The following FBXO11 variants were observed in gnomAD, a reference collection of about 807,000 sequenced individuals.
FBXO11 encodes the protein F-box protein 11, also known as F-box only protein 11.
In FBXO11, 13 loss-of-function variants were observed where a neutral mutation model predicts 117.0. The observed-to-expected ratio is 0.11, with a 90% CI of 0.07 to 0.18. The LOEUF (loss-of-function observed/expected upper bound fraction) is 0.18. Among genes scored for constraint, FBXO11 ranks in the 10% least tolerant of loss-of-function variants. The probability of loss-of-function intolerance (pLI) is 1.00; values close to 1 mark genes in which losing one functional copy is unlikely to be tolerated. For missense variants in FBXO11, 767 were observed against 1,164.4 expected, an observed-to-expected ratio of 0.66 and a Z score of 4.97; for synonymous variants, 490 against 380.5, an observed-to-expected ratio of 1.29 and a Z score of -3.35.
At chr2:47,833,551 G>C (rs533989964) in intron 7 of FBXO11, among the ~76,000 whole-genome samples, 1 of 152,114 alleles carries the variant, frequency 6.6e-6, no homozygotes, top group East Asian at 1.9e-4. Context: ...AATTTCACTA[G>C]CAAATAATAA....
At chr2:47,869,449 T>C (rs983017599) in intron 1 of FBXO11, among the ~76,000 whole-genome samples, 1 of 152,166 alleles carries the variant, frequency 6.6e-6, no homozygotes, top group Non-Finnish European at 1.5e-5. Flanking sequence ...AAAAGTTATA[T>C]CTGAAATACA....
rs200411440 is a variant in FBXO11 at position 47,843,734 on chromosome 2, G to GCTT, written c.233-3968_233-3966dup. Among the ~76,000 whole-genome samples the GCTT allele has an allele frequency of 8.3e-4, 126 of 151,386 alleles. No individual in the cohort carries two copies. In the East Asian group the frequency reaches 0.018, roughly 21 times the overall value. On this transcript the variant is annotated intron_variant, in intron 1 of 22. Coordinates refer to ENST00000403359, the MANE Select transcript of FBXO11 (RefSeq NM_001190274.2). ...TGGATTACATTTTAGATTTGCTGCT[G>GCTT]CTTCTTCTTCTTCTTCTTCTTTTTT... is the stretch of plus-strand genomic sequence containing the variant.
At position 47,890,007 on chromosome 2, in the gene FBXO11, A is replaced by T. The variant is rs539638055; in HGVS notation, c.232+15482T>A. On this transcript the variant is annotated intron_variant, in intron 1 of 22. Transcript: ENST00000403359. ...AGTCGCAAACTTATCCTGGAAAGAAAGAATCACTGGTTCAGAGTCCCAAAT... is the reference window on the plus strand; with the variant it reads ...AGTCGCAAACTTATCCTGGAAAGAATGAATCACTGGTTCAGAGTCCCAAAT... Among the ~76,000 whole-genome samples, 13 of 152,360 alleles carry T rather than the reference A, an allele frequency of 8.5e-5. No individual in the cohort carries two copies. The East Asian group carries it at 1.7e-3, about 20-fold the overall frequency.
At chr2:47,869,993 T>C (rs1675504901) in intron 1 of FBXO11, among the ~76,000 whole-genome samples, 1 of 152,156 alleles carries the variant, frequency 6.6e-6, no homozygotes, top group Admixed American at 6.5e-5. Flanking sequence ...AGAATTTAAA[T>C]TGGTGAACTC....
Position 47,892,560 on chromosome 2 carries a change from C to T in FBXO11, c.232+12929G>A, listed in dbSNP as rs576611245. 1.1e-4 allele frequency among the ~76,000 whole-genome samples: 17 copies of T among 152,320 alleles called. 1 individual carries two copies. In the East Asian group the frequency reaches 2.7e-3, roughly 24 times the overall value. The stretch of plus-strand genomic sequence containing the variant: ...TAGAGTACAGGTTTCCTCTGACATG[C>T]TGCAATGCAGAATCAGAAAGATTCA... On this transcript the variant is annotated intron_variant, in intron 1 of 22. Transcript: ENST00000403359.
At chr2:47,850,040 G>C (rs17395820) in intron 1 of FBXO11, among the ~76,000 whole-genome samples, 14,578 of 152,230 alleles carry the variant, frequency 0.096, 758 homozygotes, top group Non-Finnish European at 0.11. Context: ...GGCAGGAGAC[G>C]AGTAAGGGAG....
At chr2:47,876,226 T>C (rs1351188586) in intron 1 of FBXO11, among the ~76,000 whole-genome samples, 1 of 152,210 alleles carries the variant, frequency 6.6e-6, no homozygotes, top group Non-Finnish European at 1.5e-5. Flanking sequence ...GCAAGAATAG[T>C]AGCATTCCTG....
chr2:47,854,500 A>G (rs1025274217), intron 1 of FBXO11, among the ~76,000 whole-genome samples: 2 of 151,904 alleles, frequency 1.3e-5, no homozygotes, highest in African/African-American at 4.8e-5. Context: ...TGAATAAAAT[A>G]AAAATAAATA....
At chr2:47,813,713 G>A (rs372639960) in intron 17 of FBXO11, 78 bp downstream of exon 17, 84 of 1,223,472 alleles carry the variant, frequency 6.9e-5, no homozygotes, top group East Asian at 6.2e-4. Context: ...GATTACAGGC[G>A]TGAGCCACCG....
intron 1 of FBXO11, among the ~76,000 whole-genome samples, chr2:47,901,451 T>C (rs1446069371): frequency 1.3e-5 from 2 of 152,086 alleles, no homozygotes; most frequent in African/African-American, 4.8e-5. Context: ...CCCAAATTCA[T>C]CTTTTATTAA....
chr2:47,895,420 G>A (rs1389952577), intron 1 of FBXO11, among the ~76,000 whole-genome samples: 1 of 152,124 alleles, frequency 6.6e-6, no homozygotes, highest in Non-Finnish European at 1.5e-5. Context: ...TACATACTGG[G>A]GGGTTACATT....
chr2:47,851,795 G>C (rs933111290), intron 1 of FBXO11, among the ~76,000 whole-genome samples: 1 of 152,166 alleles, frequency 6.6e-6, no homozygotes, highest in Non-Finnish European at 1.5e-5. Flanking sequence ...TATGGGCAAG[G>C]AGTTTAAGAG....
At chr2:47,837,581 G>T (rs941836708) in intron 4 of FBXO11, among the ~76,000 whole-genome samples, 1 of 152,124 alleles carries the variant, frequency 6.6e-6, no homozygotes, top group Non-Finnish European at 1.5e-5. Flanking sequence ...CATCATAAAA[G>T]TAATACATAT....
chr2:47,903,134 G>A (rs912964909), intron 1 of FBXO11, among the ~76,000 whole-genome samples: 8 of 151,978 alleles, frequency 5.3e-5, no homozygotes, highest in African/African-American at 1.7e-4. Flanking sequence ...TTAAAAAAAC[G>A]TAATTAAAAT....
intron 1 of FBXO11, among the ~76,000 whole-genome samples, chr2:47,883,113 G>C (rs891869816): frequency 6.6e-6 from 1 of 152,196 alleles, no homozygotes; most frequent in Non-Finnish European, 1.5e-5. Flanking sequence ...ATGGTGAAAT[G>C]CTGGGTCACA....
intron 1 of FBXO11, among the ~76,000 whole-genome samples, chr2:47,876,533 G>C (rs1200634835): frequency 6.6e-6 from 1 of 152,266 alleles, no homozygotes; most frequent in African/African-American, 2.4e-5. Context: ...TAGAATCAAG[G>C]TCAACAGTTA....
rs1558486770 is a variant in FBXO11 at position 47,900,661 on chromosome 2, CACGTACGTATAT to C, written c.232+4816_232+4827del. On this transcript the variant is annotated intron_variant, in intron 1 of 22. Coordinates refer to ENST00000403359, the MANE Select transcript of FBXO11 (RefSeq NM_001190274.2). ...GTACGTATATACACACGTATACACA[CACGTACGTATAT>C]ACACACGTATACACACACGTATACA... 2.5e-4 allele frequency among the ~76,000 whole-genome samples: 23 copies of C among 90,986 alleles called. 4 individuals carry two copies. The highest frequency in any genetic ancestry group is 1.3e-3 in the Admixed American group (11 of 8,764). The allele number at this position is 90,986 out of a possible 152,430, so 59.7% of individuals were successfully genotyped here.
chr2:47,868,170 C>T (rs891593288), intron 1 of FBXO11, among the ~76,000 whole-genome samples: 1 of 151,342 alleles, frequency 6.6e-6, no homozygotes, highest in African/African-American at 2.4e-5. Context: ...GGGATTCCAG[C>T]TATTCAGGAG....
intron 1 of FBXO11, among the ~76,000 whole-genome samples, chr2:47,842,265 C>T (rs1248089793): frequency 6.6e-6 from 1 of 152,100 alleles, no homozygotes; most frequent in Non-Finnish European, 1.5e-5. Context: ...CTGCCCGCCT[C>T]GGCCTCCCAA....
Sources: gnomAD v4.1 joint callset for allele counts (sites outside exome capture counted in the v4.1 genomes callset) on GRCh38, gnomAD v4.1.1 for gene constraint, MANE v1.5 for transcripts, NCBI Gene and HGNC (gene_info 2026-07-23, HGNC 2026-07-21) for gene names.